The following GPC5 variants were observed in gnomAD, a reference collection of about 807,000 sequenced individuals.
GPC5 encodes the protein glypican 5.
A neutral mutation model predicts 53.9 loss-of-function variants in GPC5; 47 were observed. That is an observed-to-expected ratio of 0.87 (90% confidence interval 0.69 to 1.11). The LOEUF (loss-of-function observed/expected upper bound fraction) is 1.11. Ranked by LOEUF, GPC5 falls within the 50% of genes most tolerant of loss-of-function variation. The probability of loss-of-function intolerance (pLI) is 0.00; values close to 1 mark genes in which losing one functional copy is unlikely to be tolerated. For synonymous variants in GPC5, 286 were observed against 263.3 expected (o/e 1.09, Z -0.84); for missense variants, 748 against 713.1 (o/e 1.05, Z -0.56).
intron 2 of GPC5, among the ~76,000 whole-genome samples, chr13:91,660,704 A>G (rs1390890718): frequency 6.6e-6 from 1 of 152,232 alleles, no homozygotes; most frequent in Non-Finnish European, 1.5e-5. Context: ...CAAGGATTTC[A>G]GGTAGGTTTA....
intron 5 of GPC5, among the ~76,000 whole-genome samples, chr13:91,820,712 C>T (rs1328459772): frequency 1.3e-5 from 2 of 151,986 alleles, no homozygotes; most frequent in Non-Finnish European, 2.9e-5. Flanking sequence ...GCCTGTAATC[C>T]CAGCACTTTG....
chr13:92,580,052 A>G (rs1047568545), intron 7 of GPC5, among the ~76,000 whole-genome samples: 3 of 152,232 alleles, frequency 2.0e-5, no homozygotes, highest in African/African-American at 7.2e-5. Flanking sequence ...TTCATTACTC[A>G]CTTAGGATAA....
chr13:92,508,099 G>T (rs1165084156), intron 7 of GPC5, among the ~76,000 whole-genome samples: 1 of 152,070 alleles, frequency 6.6e-6, no homozygotes, highest in East Asian at 1.9e-4. Context: ...CAGTAGCTGG[G>T]ACTACAGGTG....
At chr13:92,232,635 A>T (rs943045793) in intron 7 of GPC5, among the ~76,000 whole-genome samples, 3 of 152,338 alleles carry the variant, frequency 2.0e-5, no homozygotes, top group Non-Finnish European at 2.9e-5. Context: ...CTGACTATAA[A>T]GTTAAATCAG....
At chr13:91,874,592 G>A (rs2039182367) in intron 5 of GPC5, among the ~76,000 whole-genome samples, 2 of 152,042 alleles carry the variant, frequency 1.3e-5, no homozygotes, top group African/African-American at 4.8e-5. Context: ...TTAAATTATT[G>A]AGACAAAAGC....
intron 7 of GPC5, among the ~76,000 whole-genome samples, chr13:92,504,271 A>G (rs1284082625): frequency 6.6e-6 from 1 of 151,998 alleles, no homozygotes; most frequent in East Asian, 1.9e-4. Context: ...TAAAATACCT[A>G]GTTGTAAACC....
At chr13:91,708,415 G>T (rs1359462141) in intron 3 of GPC5, among the ~76,000 whole-genome samples, 1 of 139,972 alleles carries the variant, frequency 7.1e-6, no homozygotes, top group Admixed American at 6.8e-5. Context: ...TGTGAAAGAA[G>T]TCAGTCCAAA....
chr13:92,395,809 A>G (rs1875241904), intron 7 of GPC5, among the ~76,000 whole-genome samples: 1 of 151,366 alleles, frequency 6.6e-6, no homozygotes, highest in South Asian at 2.1e-4. Context: ...TCCTTGCTGT[A>G]TCAGTAAGGT....
intron 2 of GPC5, among the ~76,000 whole-genome samples, chr13:91,554,689 C>G (rs1057162906): frequency 5.3e-5 from 8 of 152,094 alleles, no homozygotes; most frequent in African/African-American, 1.9e-4. Context: ...AGTGCTGGGT[C>G]CTTCTGTAAC....
intron 7 of GPC5, among the ~76,000 whole-genome samples, chr13:92,618,646 A>G (rs1884774847): frequency 6.6e-6 from 1 of 151,440 alleles, no homozygotes; most frequent in Admixed American, 6.6e-5. Context: ...GACAAGTTGA[A>G]TAACTTCAAA....
At chr13:91,859,248 T>C (rs940523968) in intron 5 of GPC5, among the ~76,000 whole-genome samples, 2 of 151,910 alleles carry the variant, frequency 1.3e-5, no homozygotes, top group Admixed American at 6.6e-5. Flanking sequence ...GGTTATTTAT[T>C]TGAGGTTTTT....
At chr13:92,474,637 A>G (rs1879035021) in intron 7 of GPC5, among the ~76,000 whole-genome samples, 2 of 138,304 alleles carry the variant, frequency 1.4e-5, no homozygotes, top group African/African-American at 6.2e-5. Context: ...GTGATGGTTA[A>G]AAAAAAAAAA....
chr13:92,529,686 G>GA (rs1317326567), intron 7 of GPC5, among the ~76,000 whole-genome samples: 2 of 152,016 alleles, frequency 1.3e-5, no homozygotes, highest in African/African-American at 4.8e-5. Flanking sequence ...AACTATATAA[G>GA]AAAACACTTT....
chr13:91,911,759 G>T (rs1359843381), intron 6 of GPC5, among the ~76,000 whole-genome samples: 1 of 152,174 alleles, frequency 6.6e-6, no homozygotes, highest in Non-Finnish European at 1.5e-5. Flanking sequence ...TTAGACAAAT[G>T]TTGGAAGCGG....
chr13:92,699,430 A>T (rs984334002), intron 7 of GPC5, among the ~76,000 whole-genome samples: 1 of 150,422 alleles, frequency 6.6e-6, no homozygotes, highest in Non-Finnish European at 1.5e-5. Flanking sequence ...TCTCTCTTTC[A>T]GTTCTGTTCT....
chr13:92,785,295 G>A (rs1323799389), intron 7 of GPC5, among the ~76,000 whole-genome samples: 2 of 151,140 alleles, frequency 1.3e-5, no homozygotes, highest in African/African-American at 4.9e-5. Context: ...TAAGAAGAAG[G>A]AGAAGAAACC....
At chr13:91,559,430 T>C (rs73608354) in intron 2 of GPC5, among the ~76,000 whole-genome samples, 8,245 of 152,194 alleles carry the variant, frequency 0.054, 711 homozygotes, top group African/African-American at 0.18. Flanking sequence ...ATGATGGCCA[T>C]AAGTAATAGT....
At chr13:92,806,373 AC>A (rs1877100214) in intron 7 of GPC5, among the ~76,000 whole-genome samples, 1 of 152,046 alleles carries the variant, frequency 6.6e-6, no homozygotes, top group African/African-American at 2.4e-5. Context: ...GACGTTTTCT[AC>A]CTCAGCAATA....
At chr13:92,731,757 T>C (rs1191659274) in intron 7 of GPC5, among the ~76,000 whole-genome samples, 3 of 151,422 alleles carry the variant, frequency 2.0e-5, no homozygotes, top group Non-Finnish European at 4.4e-5. Context: ...AAATTAGAAA[T>C]AATAGATCTC....
Sources: gnomAD v4.1 joint callset for allele counts (sites outside exome capture counted in the v4.1 genomes callset) on GRCh38, gnomAD v4.1.1 for gene constraint, MANE v1.5 for transcripts, NCBI Gene and HGNC (gene_info 2026-07-23, HGNC 2026-07-21) for gene names.